The following OMA1 variants were observed in gnomAD, a reference collection of about 807,000 sequenced individuals.
OMA1 encodes the protein metalloendopeptidase OMA1, mitochondrial.
OMA1 carries 38 observed loss-of-function variants against 30.9 expected under a neutral mutation model. The ratio of observed to expected loss-of-function variants is 1.23; its 90% confidence interval spans 0.95 to 1.61. The LOEUF (loss-of-function observed/expected upper bound fraction) is 1.61. Ranked by LOEUF, OMA1 falls within the 40% of genes most tolerant of loss-of-function variation. The pLI, the probability that OMA1 is intolerant of heterozygous loss-of-function variation, is 0.00. For missense variants in OMA1, 461 were observed against 349.2 expected (o/e 1.32, Z -2.55); for synonymous variants, 173 against 121.9 (o/e 1.42, Z -2.76).
chr1:58,497,068 T>C (rs1259588851), intron 8 of OMA1, among the ~76,000 whole-genome samples: 1 of 152,204 alleles, frequency 6.6e-6, no homozygotes, highest in Non-Finnish European at 1.5e-5. Flanking sequence ...GAAGCTTAGT[T>C]GCATCACCTA....
chr1:58,538,099 A>C (rs1646546360), intron 2 of OMA1, among the ~76,000 whole-genome samples: 1 of 152,240 alleles, frequency 6.6e-6, no homozygotes, highest in Non-Finnish European at 1.5e-5. Flanking sequence ...GGTTTGGTTC[A>C]TGTGGTAGTA....
chr1:58,521,559 C>T (rs1016275949), intron 7 of OMA1, among the ~76,000 whole-genome samples: 1 of 151,662 alleles, frequency 6.6e-6, no homozygotes, highest in Non-Finnish European at 1.5e-5. Context: ...CAAAGAGCAC[C>T]AATATTAACA....
intron 8 of OMA1, among the ~76,000 whole-genome samples, chr1:58,490,339 TC>T (rs1180385920): frequency 6.6e-6 from 1 of 151,998 alleles, no homozygotes; most frequent in Non-Finnish European, 1.5e-5. Context: ...AGAAAAGGTA[TC>T]AGTGATGGAA....
chr1:58,491,203 C>T (rs1645681761), intron 8 of OMA1, among the ~76,000 whole-genome samples: 1 of 152,092 alleles, frequency 6.6e-6, no homozygotes, highest in African/African-American at 2.4e-5. Context: ...ACTTTACAGA[C>T]AAGCAAATGC....
In OMA1 at chr1:58,546,704, C is replaced by G. The variant is rs1002396031; in HGVS notation, c.-18G>C. The G allele has an allele frequency of 4.6e-5, 7 of 152,264 alleles. No individual in the cohort carries two copies. The highest frequency in any genetic ancestry group is 1.7e-4 in the African/African-American group (7 of 41,424). The allele number at this position is 152,264 out of a possible 1,614,324, so 9.4% of individuals were successfully genotyped here. On this transcript the variant is annotated splice_region_variant and 5_prime_UTR_variant, in exon 1 of 9. Transcript: ENST00000371226. ...AAAAGCGTCACCGTGAGGACTGACT[C>G]AAGCAGAAGCGAAAGCGGTGACACC...
At chr1:58,492,091 G>C (rs1645704829) in intron 8 of OMA1, among the ~76,000 whole-genome samples, 1 of 152,092 alleles carries the variant, frequency 6.6e-6, no homozygotes, top group Non-Finnish European at 1.5e-5. Context: ...AATCAAACTA[G>C]AACTCAGGAT....
chr1:58,516,282 G>A (rs939220880), intron 7 of OMA1, among the ~76,000 whole-genome samples: 6 of 152,290 alleles, frequency 3.9e-5, no homozygotes, highest in East Asian at 1.9e-4. Flanking sequence ...TTAAGAAACT[G>A]TTACGAAAAA....
At chr1:58,500,276 G>T (rs1645885095) in intron 8 of OMA1, among the ~76,000 whole-genome samples, 1 of 152,110 alleles carries the variant, frequency 6.6e-6, no homozygotes, top group Admixed American at 6.6e-5. Flanking sequence ...CAGCTGCTAT[G>T]ATATTTGCCT....
chr1:58,493,930 A>G (rs1645746812), intron 8 of OMA1, among the ~76,000 whole-genome samples: 1 of 146,852 alleles, frequency 6.8e-6, no homozygotes, highest in African/African-American at 2.5e-5. Context: ...TAAAGTTCAT[A>G]TGGTACCAAA....
At chr1:58,490,630 C>T (rs1317168690) in intron 8 of OMA1, among the ~76,000 whole-genome samples, 2 of 150,366 alleles carry the variant, frequency 1.3e-5, no homozygotes, top group African/African-American at 2.4e-5. Flanking sequence ...AACTCCAAGA[C>T]ACATAATTGT....
intron 8 of OMA1, among the ~76,000 whole-genome samples, chr1:58,482,240 G>T (rs1487703105): frequency 6.6e-6 from 1 of 152,148 alleles, no homozygotes; most frequent in Non-Finnish European, 1.5e-5. Flanking sequence ...CTGTAAGGTG[G>T]AAAATAATTA....
intron 7 of OMA1, among the ~76,000 whole-genome samples, chr1:58,519,949 A>G (rs1301181752): frequency 6.7e-6 from 1 of 150,106 alleles, no homozygotes; most frequent in Non-Finnish European, 1.5e-5. Flanking sequence ...ATGAACTTCA[A>G]GATAGGTAGT....
chr1:58,492,869 C>G (rs948085103), intron 8 of OMA1, among the ~76,000 whole-genome samples: 2 of 152,182 alleles, frequency 1.3e-5, no homozygotes, highest in Non-Finnish European at 2.9e-5. Flanking sequence ...CCTTCTGAAA[C>G]TATTCCAATC....
rs973935757 is a variant in OMA1 at position 58,536,815 on chromosome 1, T to C, written c.501-74A>G. 17 of 760,972 alleles carry C rather than the reference T, an allele frequency of 2.2e-5. No homozygotes were observed. The Admixed American group carries it at 3.8e-4, about 17-fold the overall frequency. 47.1% of individuals were successfully genotyped at this position (760,972 alleles called of 1,614,324 possible). On this transcript the variant is annotated intron_variant, in intron 2 of 8. Coordinates refer to ENST00000371226, the MANE Select transcript of OMA1 (RefSeq NM_145243.5). Reference sequence around the variant, plus strand: ...ATCACTAAAGCTCAAATGCATACACTAGAATTTTACGTCCTCAAATACCTG... The same window carrying C: ...ATCACTAAAGCTCAAATGCATACACCAGAATTTTACGTCCTCAAATACCTG...
chr1:58,504,835 T>C (rs769814521), intron 8 of OMA1, among the ~76,000 whole-genome samples: 1 of 152,218 alleles, frequency 6.6e-6, no homozygotes, highest in Non-Finnish European at 1.5e-5. Context: ...TATCTTAGCA[T>C]CCTGTAAATA....
chr1:58,490,798 T>A (rs1350985352), intron 8 of OMA1, among the ~76,000 whole-genome samples: 9 of 67,112 alleles, frequency 1.3e-4, no homozygotes, highest in African/African-American at 6.2e-4. Flanking sequence ...CAACATTCTT[T>A]TTTTTTTTTT....
chr1:58,488,736 C>T (rs908872441), intron 8 of OMA1, among the ~76,000 whole-genome samples: 2 of 152,216 alleles, frequency 1.3e-5, no homozygotes, highest in Non-Finnish European at 2.9e-5. Context: ...AGGCGTGAGC[C>T]ACCACGCCCA....
intron 8 of OMA1, among the ~76,000 whole-genome samples, chr1:58,494,764 A>G (rs1241683443): frequency 2.6e-5 from 4 of 152,092 alleles, no homozygotes; most frequent in Non-Finnish European, 5.9e-5. Context: ...AAAAGTCAGG[A>G]AACTACAGGT....
chr1:58,501,668 A>G (rs1645908303), intron 8 of OMA1, among the ~76,000 whole-genome samples: 1 of 152,132 alleles, frequency 6.6e-6, no homozygotes, highest in South Asian at 2.1e-4. Context: ...ACCTTCTTTG[A>G]CTGCTGAAGG....
Sources: gnomAD v4.1 joint callset for allele counts (sites outside exome capture counted in the v4.1 genomes callset) on GRCh38, gnomAD v4.1.1 for gene constraint, MANE v1.5 for transcripts, NCBI Gene and HGNC (gene_info 2026-07-23, HGNC 2026-07-21) for gene names.